Variants in PSD3 observed in about 807,000 individuals in gnomAD.
PSD3 encodes PH and SEC7 domain-containing protein 3.
Under a neutral mutation model 105.5 loss-of-function variants are expected in PSD3, and 49 were observed. That is an observed-to-expected ratio of 0.46 (90% CI 0.37 to 0.59). The LOEUF is 0.59. PSD3 is among the 20% of genes least tolerant of loss of function. The pLI is 0.00. For synonymous variants in PSD3, 557 were observed against 457.8 expected (o/e 1.22, Z -2.77); for missense variants, 1,561 against 1,263.8 (o/e 1.24, Z -3.57).
chr8:18,861,304 G>C (rs145519318), intron 4 of PSD3, among the ~76,000 whole-genome samples: 4 of 152,212 alleles, frequency 2.6e-5, no homozygotes, highest in Admixed American at 2.6e-4. Context: ...GATGGCATTA[G>C]AAGGACACAT....
chr8:19,076,715 T>C (rs1268523404), intron 1 of PSD3, among the ~76,000 whole-genome samples: 1 of 152,206 alleles, frequency 6.6e-6, no homozygotes. Flanking sequence ...AAGCAAAATT[T>C]GTTTTTTAAA....
At chr8:18,882,382 G>A (rs1012795929) in intron 2 of PSD3, among the ~76,000 whole-genome samples, 1 of 152,164 alleles carries the variant, frequency 6.6e-6, no homozygotes, top group East Asian at 1.9e-4. Context: ...ATTAGAGCCA[G>A]TTCATTCTCT....
chr8:18,884,689 C>G (rs1387700633), intron 2 of PSD3, among the ~76,000 whole-genome samples: 1 of 151,650 alleles, frequency 6.6e-6, no homozygotes, highest in African/African-American at 2.4e-5. Flanking sequence ...TGCACACGAA[C>G]AGAAAATATT....
intron 2 of PSD3, among the ~76,000 whole-genome samples, chr8:18,892,442 C>T (rs1023875563): frequency 3.9e-5 from 6 of 151,948 alleles, no homozygotes; most frequent in African/African-American, 1.5e-4. Flanking sequence ...CCAGGATGGT[C>T]TCGATCTCCT....
At chr8:18,780,663 C>T (rs1455220337) in intron 8 of PSD3, among the ~76,000 whole-genome samples, 2 of 152,084 alleles carry the variant, frequency 1.3e-5, no homozygotes, top group Non-Finnish European at 2.9e-5. Context: ...ACGCCATTCT[C>T]CTACCTCAGC....
chr8:18,970,126 C>A (rs1034123172), intron 1 of PSD3, among the ~76,000 whole-genome samples: 15 of 151,380 alleles, frequency 9.9e-5, no homozygotes, highest in African/African-American at 3.4e-4. Context: ...GAGATCGAGA[C>A]CATCCTGGCT....
At chr8:18,776,382 A>AT (rs200351942) in intron 8 of PSD3, among the ~76,000 whole-genome samples, 11,531 of 145,038 alleles carry the variant, frequency 0.08, 814 homozygotes, top group East Asian at 0.31. Flanking sequence ...GTATATATAT[A>AT]ATTTTTTTTT....
intron 10 of PSD3, among the ~76,000 whole-genome samples, chr8:18,650,863 A>G (rs528000760): frequency 6.6e-5 from 10 of 152,300 alleles, no homozygotes; most frequent in African/African-American, 1.9e-4. Context: ...TGCTCTTCAA[A>G]GACTTTATAA....
At chr8:18,852,456 G>C (rs1420198020) in intron 4 of PSD3, among the ~76,000 whole-genome samples, 1 of 152,202 alleles carries the variant, frequency 6.6e-6, no homozygotes, top group African/African-American at 2.4e-5. Flanking sequence ...GTTTCTGACA[G>C]TCCTTTCTTG....
intron 1 of PSD3, among the ~76,000 whole-genome samples, chr8:18,945,698 G>C (rs1822813964): frequency 6.6e-6 from 1 of 152,218 alleles, no homozygotes; most frequent in African/African-American, 2.4e-5. Context: ...TAAGTCAGCT[G>C]GGCGTGGTGG....
At chr8:18,815,290 T>G (rs1350942748) in intron 4 of PSD3, among the ~76,000 whole-genome samples, 1 of 152,148 alleles carries the variant, frequency 6.6e-6, no homozygotes, top group Non-Finnish European at 1.5e-5. Context: ...TTCTGCCCTT[T>G]CTTCAAATTC....
chr8:18,589,338 G>A (rs1255467329), intron 12 of PSD3, among the ~76,000 whole-genome samples: 2 of 152,134 alleles, frequency 1.3e-5, no homozygotes, highest in African/African-American at 4.8e-5. Context: ...TCAAAGTAAT[G>A]TGAGAATTTT....
intron 8 of PSD3, among the ~76,000 whole-genome samples, chr8:18,780,632 T>C (rs180791959): frequency 7.9e-4 from 120 of 152,152 alleles, no homozygotes; most frequent in Middle Eastern, 3.4e-3. Flanking sequence ...TGGCTCACTG[T>C]AAGCTCTGCG....
chr8:18,777,470 T>C (rs1486865895), intron 8 of PSD3, among the ~76,000 whole-genome samples: 3 of 152,260 alleles, frequency 2.0e-5, no homozygotes, highest in East Asian at 1.9e-4. Context: ...TGAGTTTTTT[T>C]CCCATGCTTT....
At chr8:18,579,083 T>C (rs1290545755) in intron 12 of PSD3, among the ~76,000 whole-genome samples, 3 of 131,204 alleles carry the variant, frequency 2.3e-5, no homozygotes, top group Non-Finnish European at 4.8e-5. Context: ...TACTAGAAAA[T>C]AAAGCTCCAA....
intron 8 of PSD3, among the ~76,000 whole-genome samples, chr8:18,768,013 A>G (rs1003785858): frequency 1.3e-5 from 2 of 150,366 alleles, no homozygotes; most frequent in Non-Finnish European, 3.0e-5. Flanking sequence ...GCTCACACCT[A>G]TAATCCCAGC....
At chr8:18,656,563 G>T (rs1297191590) in intron 9 of PSD3, among the ~76,000 whole-genome samples, 3 of 152,086 alleles carry the variant, frequency 2.0e-5, no homozygotes, top group African/African-American at 7.2e-5. Context: ...TTTTGGGTGT[G>T]TGTGGTTGTG....
chr8:18,620,361 C>G (rs1479217270), intron 11 of PSD3, among the ~76,000 whole-genome samples: 1 of 62,368 alleles, frequency 1.6e-5, no homozygotes, highest in African/African-American at 7.6e-5. Flanking sequence ...TTTTTTTTTT[C>G]CCCAGGCTGT....
chr8:19,033,239 C>CG (rs1827829029), intron 1 of PSD3, among the ~76,000 whole-genome samples: 1 of 149,268 alleles, frequency 6.7e-6, no homozygotes, highest in Admixed American at 6.6e-5. Flanking sequence ...ACACAACCAA[C>CG]ATTTTTTTTA....
Sources: gnomAD v4.1 joint callset for allele counts (sites outside exome capture counted in the v4.1 genomes callset) on GRCh38, gnomAD v4.1.1 for gene constraint, MANE v1.5 for transcripts, NCBI Gene and HGNC (gene_info 2026-07-23, HGNC 2026-07-21) for gene names.